Variants in PITPNB observed in about 807,000 individuals in gnomAD.
The protein encoded by PITPNB is phosphatidylinositol transfer protein beta isoform.
PITPNB carries 16 observed loss-of-function variants against 45.9 expected under a neutral mutation model. That is an observed-to-expected ratio of 0.35 (90% CI 0.24 to 0.53). The LOEUF (loss-of-function observed/expected upper bound fraction) is 0.53, where lower values mean the gene tolerates loss of function less well. Among genes scored for constraint, PITPNB ranks in the 20% least tolerant of loss-of-function variants. The pLI is 0.93. For missense variants in PITPNB, 188 were observed against 330.5 expected, an observed-to-expected ratio of 0.57 and a Z score of 3.34; for synonymous variants, 112 against 108.9, an observed-to-expected ratio of 1.03 and a Z score of -0.18.
chr22:27,897,972 A>C (rs1381289575), intron 3 of PITPNB, 80 bp from the exon 4 acceptor site: 16 of 967,750 alleles, frequency 1.7e-5, no homozygotes, highest in Non-Finnish European at 1.7e-6. Context: ...TTGAAAGAGT[A>C]TGGCAATCAA....
chr22:27,852,520 A>G lies in PITPNB; in HGVS notation c.*1182T>C, dbSNP rs12167770. 0.048 allele frequency: 7,331 copies of G among 152,348 alleles called. 291 individuals carry two copies. The highest frequency in any genetic ancestry group is 0.12 in the South Asian group (556 of 4,828). The allele number at this position is 152,348 out of a possible 1,614,324, so 9.4% of individuals were successfully genotyped here. A position where few individuals can be genotyped will look rare whatever the true frequency, so the allele number is the denominator to read the frequency against. ...CTACTTGAGAGCACATCCCACAGTC[A>G]GATGTCCACCAGTCTCTTGGCGGGG... On this transcript the variant is annotated 3_prime_UTR_variant, in exon 12 of 12. Coordinates refer to ENST00000335272, the MANE Select transcript of PITPNB (RefSeq NM_012399.5).
intron 8 of PITPNB, among the ~76,000 whole-genome samples, chr22:27,871,851 G>A (rs909628666): frequency 6.6e-6 from 1 of 152,094 alleles, no homozygotes; most frequent in Non-Finnish European, 1.5e-5. Context: ...GATCCTTCAT[G>A]AATAGCTTGG....
intron 4 of PITPNB, 101 bp from the exon 5 acceptor site, chr22:27,897,238 A>C: frequency 1.2e-6 from 1 of 819,736 alleles, no homozygotes; most frequent in Non-Finnish European, 2.2e-6. Context: ...ACAAAGACTA[A>C]ACTATCTGAA....
Position 27,865,804 on chromosome 22 carries a change from C to T in PITPNB, c.535-5563G>A, listed in dbSNP as rs147074977. On this transcript the variant is annotated intron_variant, in intron 8 of 11. Coordinates refer to ENST00000335272, the MANE Select transcript of PITPNB (RefSeq NM_012399.5). Reference sequence around the variant, plus strand: ...TACTATGTACAACAAATCCCCGTGACATGTGTTTACCTACATAACAAACCT... The same window carrying T: ...TACTATGTACAACAAATCCCCGTGATATGTGTTTACCTACATAACAAACCT... 1.9e-3 allele frequency among the ~76,000 whole-genome samples: 284 copies of T among 152,260 alleles called. 2 individuals are homozygous for T. The highest frequency in any genetic ancestry group is 6.6e-3 in the African/African-American group (276 of 41,544).
chr22:27,891,203 T>C (rs921196703), intron 7 of PITPNB, among the ~76,000 whole-genome samples: 8 of 152,220 alleles, frequency 5.3e-5, no homozygotes, highest in African/African-American at 1.9e-4. Context: ...GAATTATACA[T>C]TTAAAAATGG....
intron 10 of PITPNB, among the ~76,000 whole-genome samples, chr22:27,857,315 G>C (rs1455206596): frequency 2.6e-5 from 4 of 152,118 alleles, no homozygotes; most frequent in Non-Finnish European, 5.9e-5. Context: ...TATAAGATAA[G>C]GTTAAAATAT....
chr22:27,905,067 A>G (rs2093266552), intron 3 of PITPNB, among the ~76,000 whole-genome samples: 1 of 152,248 alleles, frequency 6.6e-6, no homozygotes. Flanking sequence ...TAAACTACAT[A>G]TAATGACAAA....
chr22:27,916,012 G>C (rs1215513992), intron 1 of PITPNB, among the ~76,000 whole-genome samples: 1 of 152,172 alleles, frequency 6.6e-6, no homozygotes, highest in Non-Finnish European at 1.5e-5. Context: ...GGCAAGAACT[G>C]TCACAAAGGC....
intron 7 of PITPNB, among the ~76,000 whole-genome samples, chr22:27,883,487 C>T (rs936548151): frequency 6.6e-6 from 1 of 152,254 alleles, no homozygotes; most frequent in African/African-American, 2.4e-5. Context: ...TAGAATGCAG[C>T]TTCTCAAAGG....
At chr22:27,908,757 A>T (rs191680065) in intron 3 of PITPNB, among the ~76,000 whole-genome samples, 1 of 152,142 alleles carries the variant, frequency 6.6e-6, no homozygotes, top group Non-Finnish European at 1.5e-5. Flanking sequence ...CTCAATAGAC[A>T]TATTTTTCAG....
At chr22:27,913,012 G>C (rs1163140501) in intron 2 of PITPNB, among the ~76,000 whole-genome samples, 7 of 151,196 alleles carry the variant, frequency 4.6e-5, no homozygotes, top group Non-Finnish European at 1.0e-4. Context: ...AAGGTGGGGG[G>C]GGGAGTATAA....
chr22:27,883,606 C>A (rs926467), intron 7 of PITPNB, among the ~76,000 whole-genome samples: 2 of 152,174 alleles, frequency 1.3e-5, no homozygotes, highest in African/African-American at 4.8e-5. Context: ...AAGCTGCCTG[C>A]GGGCAGACCA....
intron 9 of PITPNB, among the ~76,000 whole-genome samples, chr22:27,859,347 T>C (rs1406295158): frequency 6.6e-6 from 1 of 152,194 alleles, no homozygotes; most frequent in Non-Finnish European, 1.5e-5. Context: ...TATAAAATAC[T>C]ACAGCAGCTA....
At chr22:27,877,091 C>G (rs1934841772) in intron 7 of PITPNB, among the ~76,000 whole-genome samples, 3 of 152,128 alleles carry the variant, frequency 2.0e-5, no homozygotes, top group South Asian at 4.1e-4. Context: ...TTCACCAGGC[C>G]AAGGAAATGC....
At position 27,873,780 on chromosome 22, in the gene PITPNB, C is replaced by T; in HGVS notation, c.492G>A (p.Gln164=). ...AAGGGCCTCTCTTGGTCTTGACTGACTGGAATAATGCTGGGTCTTCATCAG... is the reference window on the plus strand; with the variant it reads ...AAGGGCCTCTCTTGGTCTTGACTGATTGGAATAATGCTGGGTCTTCATCAG... ...YKADEDPALF[Q]SVKTKRGPLG... is the part of the protein sequence containing the mutation. The change falls in exon 8 of 12, where the codon CAG becomes CAA. Residue 164 remains glutamine (Q), a synonymous_variant. Transcript: ENST00000335272. 1 of 1,613,412 alleles carries T rather than the reference C, an allele frequency of 6.2e-7. No homozygotes were observed. Among genetic ancestry groups the T allele is most frequent in the South Asian group, 1.1e-5 (1 of 91,062 alleles).
intron 3 of PITPNB, among the ~76,000 whole-genome samples, chr22:27,901,160 C>T (rs1935580874): frequency 6.6e-6 from 1 of 152,194 alleles, no homozygotes; most frequent in African/African-American, 2.4e-5. Flanking sequence ...AAGAGTTACC[C>T]ATAGCACAAT....
intron 7 of PITPNB, among the ~76,000 whole-genome samples, chr22:27,879,311 T>G (rs780932222): frequency 1.3e-5 from 2 of 152,204 alleles, no homozygotes; most frequent in Non-Finnish European, 2.9e-5. Context: ...GATGGCTATG[T>G]GATACACTCC....
chr22:27,904,721 T>TGATTAACAGTAATGATGGAGATGGAA (rs1935707447), intron 3 of PITPNB, among the ~76,000 whole-genome samples: 1 of 152,138 alleles, frequency 6.6e-6, no homozygotes, highest in Non-Finnish European at 1.5e-5. Context: ...TAACTTTGAT[T>TGATTAACAGTAATGATGGAGATGGAA]GATTAACAGT....
At chr22:27,868,590 A>G (rs1465255016) in intron 8 of PITPNB, among the ~76,000 whole-genome samples, 3 of 152,228 alleles carry the variant, frequency 2.0e-5, no homozygotes, top group East Asian at 3.8e-4. Flanking sequence ...CTGAGCAGCT[A>G]AACAGTATGA....
Sources: allele counts gnomAD v4.1 joint callset (sites outside exome capture counted in the v4.1 genomes callset), GRCh38; gene constraint gnomAD v4.1.1; transcripts MANE v1.5; gene names NCBI Gene and HGNC (gene_info 2026-07-23, HGNC 2026-07-21).